Variants in CCSER1 observed in about 807,000 individuals in gnomAD.
CCSER1 encodes the protein serine-rich coiled-coil domain-containing protein 1.
A neutral mutation model predicts 82.0 loss-of-function variants in CCSER1; 41 were observed. That is an observed-to-expected ratio of 0.50 (90% CI 0.39 to 0.65). The LOEUF (loss-of-function observed/expected upper bound fraction) is 0.65. Among genes scored for constraint, CCSER1 ranks in the 30% least tolerant of loss-of-function variants. The probability of loss-of-function intolerance (pLI) is 0.00; values close to 1 mark genes in which losing one functional copy is unlikely to be tolerated. For missense variants in CCSER1, 1,119 were observed against 1,064.2 expected (o/e 1.05, Z -0.72); for synonymous variants, 414 against 383.9 (o/e 1.08, Z -0.92).
chr4:90,349,861 A>C (rs1468831998), intron 3 of CCSER1, among the ~76,000 whole-genome samples: 1 of 93,888 alleles, frequency 1.1e-5, no homozygotes, highest in Non-Finnish European at 2.0e-5. Context: ...AATGAGGCAT[A>C]GTGAGTTTAA....
At chr4:90,807,328 A>G (rs1011900835) in intron 7 of CCSER1, among the ~76,000 whole-genome samples, 11 of 152,236 alleles carry the variant, frequency 7.2e-5, no homozygotes, top group African/African-American at 2.4e-4. Context: ...AAAAATGAGT[A>G]TAATCCTTGT....
intron 10 of CCSER1, among the ~76,000 whole-genome samples, chr4:91,156,505 G>T (rs1416287005): frequency 6.6e-6 from 1 of 150,536 alleles, no homozygotes; most frequent in Non-Finnish European, 1.5e-5. Context: ...AACTTTTAGG[G>T]TCATCAAAAG....
Position 90,448,443 on chromosome 4 carries a change from GAATATATATATATATATATA to G in CCSER1, c.1604-19790_1604-19771del, listed in dbSNP as rs1316733391. The stretch of plus-strand genomic sequence containing the variant: ...TGCTTTTTTTTTCTCTAGGTGAATT[GAATATATATATATATATATA>G]TATATATATATATATATATATAGCA... On this transcript the variant is annotated intron_variant, in intron 4 of 10. Coordinates refer to ENST00000509176, the MANE Select transcript of CCSER1 (RefSeq NM_001145065.2). Among the ~76,000 whole-genome samples the G allele has an allele frequency of 1.7e-3, 60 of 36,146 alleles. 1 individual carries two copies. The highest frequency in any genetic ancestry group is 3.4e-3 in the Admixed American group (8 of 2,358). 23.7% of individuals were successfully genotyped at this position (36,146 alleles called of 152,430 possible).
intron 10 of CCSER1, among the ~76,000 whole-genome samples, chr4:91,093,765 TAA>T (rs1309688102): frequency 8.5e-5 from 13 of 152,346 alleles, no homozygotes; most frequent in Middle Eastern, 6.8e-3. Flanking sequence ...GGGGCTGACA[TAA>T]GTTTTTCCTT....
chr4:91,050,798 C>T (rs926660334), intron 9 of CCSER1, among the ~76,000 whole-genome samples: 3 of 152,164 alleles, frequency 2.0e-5, no homozygotes, highest in Non-Finnish European at 4.4e-5. Context: ...TCTATTAATT[C>T]CCTTTTGGTG....
chr4:90,945,840 G>A (rs537293893), intron 9 of CCSER1, among the ~76,000 whole-genome samples: 64 of 151,958 alleles, frequency 4.2e-4, no homozygotes, highest in Non-Finnish European at 6.0e-4. Flanking sequence ...TTTAATCTAT[G>A]TCAGGGGTTG....
At position 90,326,138 on chromosome 4, in the gene CCSER1, A is replaced by G. The variant is rs1738149878; in HGVS notation, c.1509+13091A>G. On this transcript the variant is annotated intron_variant, in intron 3 of 10. Transcript: ENST00000509176. ...CAGTGGCGCAATCTCGGCTCACTGCAAGCTCCGCCTCCCAGGTTCAGGCCA... is the reference window on the plus strand; with the variant it reads ...CAGTGGCGCAATCTCGGCTCACTGCGAGCTCCGCCTCCCAGGTTCAGGCCA... Among the ~76,000 whole-genome samples the G allele has an allele frequency of 2.8e-5, 4 of 144,510 alleles. No individual in the cohort carries two copies. The South Asian group carries it at 8.7e-4, about 31-fold the overall frequency. 94.8% of individuals were successfully genotyped at this position (144,510 alleles called of 152,430 possible).
intron 1 of CCSER1, among the ~76,000 whole-genome samples, chr4:90,237,955 A>G (rs150910571): frequency 1.3e-5 from 2 of 152,260 alleles, no homozygotes; most frequent in African/African-American, 2.4e-5. Context: ...TTAATATTCA[A>G]CAGTTTTCTT....
At chr4:90,305,701 A>T (rs1734135832) in intron 1 of CCSER1, among the ~76,000 whole-genome samples, 1 of 152,208 alleles carries the variant, frequency 6.6e-6, no homozygotes, top group South Asian at 2.1e-4. Context: ...ATTCATATGG[A>T]GAAAAGGGAA....
At chr4:90,138,537 G>C (rs2153329129) in intron 1 of CCSER1, among the ~76,000 whole-genome samples, 1 of 152,278 alleles carries the variant, frequency 6.6e-6, no homozygotes. Context: ...GTAAATGAAA[G>C]GACTGGAGGA....
At chr4:90,804,853 T>G (rs1334556422) in intron 7 of CCSER1, among the ~76,000 whole-genome samples, 1 of 152,200 alleles carries the variant, frequency 6.6e-6, no homozygotes, top group African/African-American at 2.4e-5. Flanking sequence ...AGTACAGGAA[T>G]GAAATCACTT....
At chr4:90,694,876 A>G (rs1303166661) in intron 6 of CCSER1, among the ~76,000 whole-genome samples, 2 of 151,382 alleles carry the variant, frequency 1.3e-5, no homozygotes, top group Admixed American at 6.6e-5. Flanking sequence ...AAAGCTGGCT[A>G]TGATCCTCAA....
rs1010111036 is a variant in CCSER1 at position 91,074,422 on chromosome 4, A to T, written c.2173-11528A>T. ...ACATCAGTGCATGTTGCAGTTAACGATGGAGTAGGCACTGTGCTGCGTTTT... is the reference window on the plus strand; with the variant it reads ...ACATCAGTGCATGTTGCAGTTAACGTTGGAGTAGGCACTGTGCTGCGTTTT... On this transcript the variant is annotated intron_variant, in intron 9 of 10. Coordinates refer to ENST00000509176, the MANE Select transcript of CCSER1 (RefSeq NM_001145065.2). Among the ~76,000 whole-genome samples the T allele has an allele frequency of 2.0e-5, 3 of 152,202 alleles. No homozygotes were observed. The South Asian group carries it at 6.2e-4, about 31-fold the overall frequency.
At chr4:90,931,570 G>A (rs990747494) in intron 9 of CCSER1, among the ~76,000 whole-genome samples, 1 of 152,066 alleles carries the variant, frequency 6.6e-6, no homozygotes, top group African/African-American at 2.4e-5. Flanking sequence ...ATAGAAGATG[G>A]TATTTTGTTT....
intron 10 of CCSER1, among the ~76,000 whole-genome samples, chr4:91,095,526 G>A (rs1161532554): frequency 6.6e-6 from 1 of 152,086 alleles, no homozygotes; most frequent in Non-Finnish European, 1.5e-5. Context: ...CCGTAACTGC[G>A]AGGTATTCAT....
chr4:90,947,842 C>G (rs1298460277), intron 9 of CCSER1, among the ~76,000 whole-genome samples: 3 of 152,044 alleles, frequency 2.0e-5, no homozygotes, highest in Non-Finnish European at 4.4e-5. Context: ...ATATGCTTTG[C>G]TTGATCCAGA....
At chr4:90,657,143 C>A (rs1340460180) in intron 6 of CCSER1, among the ~76,000 whole-genome samples, 2 of 151,586 alleles carry the variant, frequency 1.3e-5, no homozygotes, top group Non-Finnish European at 2.9e-5. Flanking sequence ...TGATGAATTC[C>A]CTCTCTCTCT....
rs535480131 is a variant in CCSER1 at position 90,917,079 on chromosome 4, A to G, written c.2095-6291A>G. Among the ~76,000 whole-genome samples, 15 of 152,328 alleles carry G rather than the reference A, an allele frequency of 9.8e-5. 2 individuals are homozygous for G. The South Asian group carries it at 3.1e-3, about 32-fold the overall frequency. On this transcript the variant is annotated intron_variant, in intron 8 of 10. Coordinates refer to ENST00000509176, the MANE Select transcript of CCSER1 (RefSeq NM_001145065.2). ...TACACTGTTGGTGGGACTGTAAACTAGTTCAACCATTGTGGAAGTCTGTGT... is the reference window on the plus strand; with the variant it reads ...TACACTGTTGGTGGGACTGTAAACTGGTTCAACCATTGTGGAAGTCTGTGT...
At chr4:90,224,548 C>A (rs1193636294) in intron 1 of CCSER1, among the ~76,000 whole-genome samples, 1 of 152,070 alleles carries the variant, frequency 6.6e-6, no homozygotes, top group Non-Finnish European at 1.5e-5. Context: ...TTTTTTCTTT[C>A]AATTCTCTAA....
Sources: allele counts gnomAD v4.1 joint callset (sites outside exome capture counted in the v4.1 genomes callset), GRCh38; gene constraint gnomAD v4.1.1; transcripts MANE v1.5; gene names NCBI Gene and HGNC (gene_info 2026-07-23, HGNC 2026-07-21).